Variants in GRIN2A observed in about 807,000 individuals in gnomAD.
The protein encoded by GRIN2A is glutamate receptor ionotropic, NMDA 2A.
Under a neutral mutation model 113.4 loss-of-function variants are expected in GRIN2A, and 22 were observed. That is an observed-to-expected ratio of 0.19 (90% CI 0.14 to 0.28). GRIN2A has a LOEUF of 0.28. Among genes scored for constraint, GRIN2A ranks in the 10% least tolerant of loss-of-function variants. The pLI, the probability that GRIN2A is intolerant of heterozygous loss-of-function variation, is 1.00. For synonymous variants in GRIN2A, 827 were observed against 738.4 expected (o/e 1.12, Z -1.94); for missense variants, 1,502 against 1,887.0 (o/e 0.80, Z 3.78).
intron 3 of GRIN2A, among the ~76,000 whole-genome samples, chr16:9,906,697 A>G (rs2044034559): frequency 6.6e-6 from 1 of 152,230 alleles, no homozygotes; most frequent in Non-Finnish European, 1.5e-5. Context: ...GAAGACCTGA[A>G]GACACCGTTT....
intron 3 of GRIN2A, among the ~76,000 whole-genome samples, chr16:9,897,605 G>C (rs964802692): frequency 3.3e-5 from 5 of 152,046 alleles, no homozygotes; most frequent in African/African-American, 9.7e-5. Context: ...AAGAGTAAAA[G>C]GTCTCATAAA....
intron 2 of GRIN2A, among the ~76,000 whole-genome samples, chr16:10,087,661 A>T: frequency 6.6e-6 from 1 of 152,138 alleles, no homozygotes; most frequent in East Asian, 1.9e-4. Flanking sequence ...AAGAGACTTA[A>T]TGCATATCTG....
At chr16:9,806,656 G>A (rs563886624) in intron 10 of GRIN2A, among the ~76,000 whole-genome samples, 21 of 152,002 alleles carry the variant, frequency 1.4e-4, no homozygotes, top group Non-Finnish European at 2.8e-4. Flanking sequence ...AGAGAAAAAC[G>A]ATGAGAAAGA....
At chr16:10,056,042 G>A (rs1011161822) in intron 2 of GRIN2A, among the ~76,000 whole-genome samples, 3 of 152,116 alleles carry the variant, frequency 2.0e-5, no homozygotes, top group Admixed American at 1.3e-4. Context: ...CCCACTAGAA[G>A]TTCATATCCC....
At chr16:9,917,969 A>AT (rs1187133338) in intron 3 of GRIN2A, among the ~76,000 whole-genome samples, 2 of 152,168 alleles carry the variant, frequency 1.3e-5, no homozygotes, top group Non-Finnish European at 2.9e-5. Context: ...TCTAGGTGGC[A>AT]TTTTTTGTTC....
chr16:10,180,809 A>G lies in GRIN2A; in HGVS notation c.-18-380T>C. 1 of 359,078 alleles carries G rather than the reference A, an allele frequency of 2.8e-6. No individual in the cohort carries two copies. The highest frequency in any genetic ancestry group is 8.9e-4 in the Middle Eastern group (1 of 1,126). 22.2% of individuals were successfully genotyped at this position (359,078 alleles called of 1,614,324 possible). ...TACCCCACCAAGCTCCTAGGTGCAC[A>G]GAATAAACCCTCCATCCAACCCCTC... On this transcript the variant is annotated intron_variant, in intron 1 of 12. Coordinates refer to ENST00000330684, the MANE Select transcript of GRIN2A (RefSeq NM_001134407.3). This position sits in a 1 kb window ranked among gnomAD's most constrained non-coding sequence, Gnocchi z 7.0.
chr16:9,828,559 T>G (rs2042429470), intron 9 of GRIN2A, among the ~76,000 whole-genome samples: 1 of 152,146 alleles, frequency 6.6e-6, no homozygotes, highest in African/African-American at 2.4e-5. Flanking sequence ...GAACAGAAAA[T>G]CTTTGTGGTG....
intron 2 of GRIN2A, among the ~76,000 whole-genome samples, chr16:9,974,407 G>C (rs2141751365): frequency 6.6e-6 from 1 of 152,246 alleles, no homozygotes; most frequent in East Asian, 1.9e-4. Flanking sequence ...TCCCTGTCCT[G>C]TTCTGTTTCG....
chr16:9,897,134 C>T (rs2043822624), intron 3 of GRIN2A, among the ~76,000 whole-genome samples: 3 of 151,532 alleles, frequency 2.0e-5, no homozygotes. Context: ...TGTTGTCATC[C>T]ACTGGTGGTA....
intron 10 of GRIN2A, among the ~76,000 whole-genome samples, chr16:9,805,767 G>C (rs1302114531): frequency 6.6e-6 from 1 of 152,170 alleles, no homozygotes; most frequent in Non-Finnish European, 1.5e-5. Flanking sequence ...GGCAGTGGTG[G>C]TATCATTATG....
intron 2 of GRIN2A, among the ~76,000 whole-genome samples, chr16:10,030,081 A>T (rs1449482318): frequency 6.6e-6 from 1 of 152,122 alleles, no homozygotes; most frequent in East Asian, 1.9e-4. Flanking sequence ...TTTATCACTG[A>T]TTGTGTAAAG....
In GRIN2A at chr16:10,153,826, A is replaced by C. The variant is rs74942364; in HGVS notation, c.414+26172T>G. ...CTTAATGCAGCATGTCCTGGAATTCAAGATATTCATTCAACAAACACTGCC... is the reference window on the plus strand; with the variant it reads ...CTTAATGCAGCATGTCCTGGAATTCCAGATATTCATTCAACAAACACTGCC... On this transcript the variant is annotated intron_variant, in intron 2 of 12. Coordinates refer to ENST00000330684, the MANE Select transcript of GRIN2A (RefSeq NM_001134407.3). Among the ~76,000 whole-genome samples, 1,330 of 152,302 alleles carry C rather than the reference A, an allele frequency of 8.7e-3. 10 individuals carry two copies. The highest frequency in any genetic ancestry group is 0.014 in the Non-Finnish European group (953 of 68,034).
intron 2 of GRIN2A, among the ~76,000 whole-genome samples, chr16:10,059,467 C>G (rs1434821247): frequency 6.6e-6 from 1 of 152,066 alleles, no homozygotes; most frequent in Non-Finnish European, 1.5e-5. Context: ...TTCTCAGGGC[C>G]ATGCAAGTGC....
intron 2 of GRIN2A, among the ~76,000 whole-genome samples, chr16:10,174,711 A>G (rs1338653503): frequency 1.3e-5 from 2 of 152,204 alleles, no homozygotes; most frequent in African/African-American, 4.8e-5. Context: ...ACAGATAGTC[A>G]AAATAATAGA....
chr16:9,763,541 T>C lies in GRIN2A; in HGVS notation c.4003A>G (p.Lys1335Glu), dbSNP rs1555482120. The change falls in exon 13 of 13, where the codon AAA becomes GAA. Residue 1335 changes from lysine to glutamate, a missense_variant. Physicochemically the swap from Lys to Glu is moderately conservative, Grantham distance 56. Transcript: ENST00000330684. ...AGGGAGCTTTTTTTCCCCGAGAGTT[T>C]GCTTGAGGGGACACTAAACAGGCTG... ...YGSLFSVPSS[K>E]LSGKKSSLFP... The C allele has an allele frequency of 6.2e-7, 1 of 1,613,878 alleles. No individual in the cohort carries two copies. The highest frequency in any genetic ancestry group is 1.7e-5 in the Admixed American group (1 of 60,000).
intron 8 of GRIN2A, among the ~76,000 whole-genome samples, chr16:9,831,269 G>A (rs1213358232): frequency 6.6e-6 from 1 of 152,102 alleles, no homozygotes; most frequent in African/African-American, 2.4e-5. Flanking sequence ...TGGGCTGTGG[G>A]TGGTTTTTAC....
chr16:9,963,403 G>C (rs8045053), intron 2 of GRIN2A, among the ~76,000 whole-genome samples: 2,728 of 152,046 alleles, frequency 0.018, 86 homozygotes, highest in African/African-American at 0.063. Context: ...GCATGCATTA[G>C]GTATTTGTCC....
At chr16:10,079,992 G>T (rs961463173) in intron 2 of GRIN2A, among the ~76,000 whole-genome samples, 2 of 152,180 alleles carry the variant, frequency 1.3e-5, no homozygotes, top group African/African-American at 4.8e-5. Flanking sequence ...TGCTCTCAGC[G>T]AGCAAATAAG....
intron 5 of GRIN2A, among the ~76,000 whole-genome samples, chr16:9,843,915 A>T (rs1477966312): frequency 6.6e-6 from 1 of 152,238 alleles, no homozygotes; most frequent in Non-Finnish European, 1.5e-5. Context: ...AAGTACATTA[A>T]AGTTGATGGA....
Sources: allele counts gnomAD v4.1 joint callset (sites outside exome capture counted in the v4.1 genomes callset), GRCh38; gene constraint gnomAD v4.1.1; non-coding constraint Gnocchi (gnomAD v3.1); transcripts MANE v1.5; gene names NCBI Gene and HGNC (gene_info 2026-07-23, HGNC 2026-07-21).